NAA35: variants seen among roughly 807,000 people sequenced by gnomAD.
NAA35 encodes N-alpha-acetyltransferase 35, NatC auxiliary subunit.
Under a neutral mutation model 101.7 loss-of-function variants are expected in NAA35, and 18 were observed. The observed-to-expected ratio is 0.18, with a 90% CI of 0.12 to 0.26. The LOEUF (loss-of-function observed/expected upper bound fraction) is 0.26, where lower values mean the gene tolerates loss of function less well. Among genes scored for constraint, NAA35 ranks in the 10% least tolerant of loss-of-function variants. NAA35 has a pLI of 1.00. For synonymous variants in NAA35, 267 were observed against 273.1 expected, an observed-to-expected ratio of 0.98 and a Z score of 0.22; for missense variants, 601 against 886.8, an observed-to-expected ratio of 0.68 and a Z score of 4.09.
intron 11 of NAA35, chr9:85,987,146 A>G (rs982769192): frequency 7.9e-5 from 12 of 152,234 alleles, no homozygotes; most frequent in African/African-American, 2.9e-4. Context: ...GAAATGGAAG[A>G]GACTGCCTCT....
Position 85,972,509 on chromosome 9 carries a change from C to CAAAA in NAA35, c.517-2438_517-2435dup, listed in dbSNP as rs34535924. 9.8e-4 allele frequency among the ~76,000 whole-genome samples: 53 copies of CAAAA among 53,956 alleles called. No homozygotes were observed. The South Asian group carries it at 0.029, about 29-fold the overall frequency. The allele number at this position is 53,956 out of a possible 152,430, so 35.4% of individuals were successfully genotyped here. A position where few individuals can be genotyped will look rare whatever the true frequency, so the allele number is the denominator to read the frequency against. On this transcript the variant is annotated intron_variant, in intron 6 of 22. Transcript: ENST00000361671. ...CCTGGATGACAGTGAGACCCTGTCT[C>CAAAA]AAAAAAAAAAAAAAAAAAAAAAAGG... is the stretch of plus-strand genomic sequence containing the variant.
chr9:85,960,029 T>A (rs1829444211), intron 5 of NAA35, among the ~76,000 whole-genome samples, 162 bp downstream of exon 5: 1 of 152,238 alleles, frequency 6.6e-6, no homozygotes, highest in South Asian at 2.1e-4. Context: ...GCATTTCATC[T>A]TGTTATCTAC....
At position 86,021,948 on chromosome 9, in the gene NAA35, G is replaced by A. The variant is rs1297335196; in HGVS notation, c.2166G>A (p.Val722=). 3 of 1,613,468 alleles carry A rather than the reference G, an allele frequency of 1.9e-6. No individual in the cohort carries two copies. The East Asian group carries it at 6.7e-5, about 36-fold the overall frequency. ...CTGCTCATAAATATTTTCCTGTTGT[G>A]AAACTTGTTTGAGAGAGACTGGGGA... ...DFSAHKYFPV[V]KLV is the part of the protein sequence containing the mutation. The change falls in exon 23 of 23, where the codon GTG becomes GTA. Residue 722 remains valine, a synonymous_variant. Transcript: ENST00000361671.
intron 2 of NAA35, among the ~76,000 whole-genome samples, chr9:85,947,285 T>TA (rs375420248): frequency 5.9e-5 from 9 of 152,316 alleles, no homozygotes; most frequent in African/African-American, 1.9e-4. Flanking sequence ...TTTTAAAAAT[T>TA]ATGGAAAAAA....
At chr9:85,954,664 C>T (rs1829160153) in intron 2 of NAA35, among the ~76,000 whole-genome samples, 1 of 152,102 alleles carries the variant, frequency 6.6e-6, no homozygotes, top group African/African-American at 2.4e-5. Flanking sequence ...GTGAAGAGTA[C>T]ATGATTAGTT....
chr9:86,003,764 A>ATT, intron 13 of NAA35, 120 bp downstream of exon 13: 1 of 482,048 alleles, frequency 2.1e-6, no homozygotes, highest in Non-Finnish European at 3.5e-6. Context: ...AGTGTTGTGT[A>ATT]TTTTTTTTTT....
chr9:85,975,187 T>A (rs368152802), intron 8 of NAA35, 30 bp downstream of exon 8: 23 of 1,604,252 alleles, frequency 1.4e-5, no homozygotes, highest in Non-Finnish European at 1.9e-5. Context: ...GGTGTGGGGT[T>A]TTGGTACACT....
intron 13 of NAA35, among the ~76,000 whole-genome samples, chr9:86,005,715 CAAACT>C (rs11278499): frequency 0.044 from 6,750 of 151,982 alleles, 529 homozygotes; most frequent in East Asian, 0.36. Context: ...TTTTAAAAAC[CAAACT>C]ATTTACAATA....
chr9:86,003,677 A>AT (rs1314203605), intron 13 of NAA35, 33 bp downstream of exon 13: 15 of 1,308,350 alleles, frequency 1.1e-5, no homozygotes, highest in Admixed American at 1.8e-5. Context: ...ATACTTATTT[A>AT]AACATTATAT....
chr9:85,989,344 G>A (rs775683618), intron 11 of NAA35, among the ~76,000 whole-genome samples: 1 of 152,196 alleles, frequency 6.6e-6, no homozygotes, highest in Non-Finnish European at 1.5e-5. Flanking sequence ...GGTAGTGGGC[G>A]CCTGTAATCC....
At chr9:85,966,209 G>A (rs1423810596) in intron 6 of NAA35, among the ~76,000 whole-genome samples, 1 of 152,086 alleles carries the variant, frequency 6.6e-6, no homozygotes, top group Non-Finnish European at 1.5e-5. Flanking sequence ...CCAAAGTGCT[G>A]GAATTATAGC....
At position 86,024,667 on chromosome 9, in the gene NAA35, A is replaced by T. The variant is rs1022841709; in HGVS notation, c.*2707A>T. On this transcript the variant is annotated 3_prime_UTR_variant, in exon 23 of 23. Coordinates refer to ENST00000361671, the MANE Select transcript of NAA35 (RefSeq NM_024635.4). ...CAAAATCAAGGATGATTTTTCAGAAATTTTTTTGGCTTTGGCAACTAGACG... is the reference window on the plus strand; with the variant it reads ...CAAAATCAAGGATGATTTTTCAGAATTTTTTTTGGCTTTGGCAACTAGACG... Among the ~76,000 whole-genome samples, 2 of 152,146 alleles carry T rather than the reference A, an allele frequency of 1.3e-5. No individual in the cohort carries two copies. Among genetic ancestry groups the T allele is most frequent in the Non-Finnish European group, 2.9e-5 (2 of 68,020 alleles).
Position 85,962,179 on chromosome 9 carries a change from A to G in NAA35, c.515A>G (p.Glu172Gly), listed in dbSNP as rs1473714235. The change falls in exon 6 of 23, where the codon GAG becomes GGG. Residue 172 changes from glutamate to glycine, a missense_variant and splice_region_variant. By Grantham distance (98) the Glu-to-Gly change is moderately conservative (BLOSUM62 -2). Transcript: ENST00000361671. ...EKVNKAAVFE[E>G]EDFQSMTYGF... ...GTAAATAAAGCTGCTGTTTTTGAAG[A>G]GGTAAGATTTCGTAATGTAAGAAAT... The G allele has an allele frequency of 6.2e-7, 1 of 1,613,074 alleles. No individual in the cohort carries two copies. Among genetic ancestry groups the G allele is most frequent in the Admixed American group, 1.7e-5 (1 of 59,760 alleles).
At chr9:85,986,295 C>A (rs939486122) in intron 11 of NAA35, among the ~76,000 whole-genome samples, 3 of 152,180 alleles carry the variant, frequency 2.0e-5, no homozygotes, top group African/African-American at 7.2e-5. Context: ...GGTGCTAATG[C>A]TGACTTATTT....
intron 1 of NAA35, 106 bp from the exon 2 acceptor site, chr9:85,942,049 G>A: frequency 6.7e-7 from 1 of 1,482,818 alleles, no homozygotes; most frequent in East Asian, 2.3e-5. Flanking sequence ...CTGCTTTAAA[G>A]AGTTTAGTTA....
In NAA35 at chr9:86,023,020, C is replaced by G. The variant is rs1832634588; in HGVS notation, c.*1060C>G. The stretch of plus-strand genomic sequence containing the variant: ...TAAAAGGGTTCTCAGCTTCAAATAT[C>G]TTAACTCTGATTTGGTACCTTTCAT... On this transcript the variant is annotated 3_prime_UTR_variant, in exon 23 of 23. Coordinates refer to ENST00000361671, the MANE Select transcript of NAA35 (RefSeq NM_024635.4). Among the ~76,000 whole-genome samples the G allele has an allele frequency of 6.6e-6, 1 of 152,152 alleles. No homozygotes were observed. The highest frequency in any genetic ancestry group is 1.5e-5 in the Non-Finnish European group (1 of 68,026).
At chr9:85,985,635 G>A (rs1381264462) in intron 11 of NAA35, among the ~76,000 whole-genome samples, 1 of 152,130 alleles carries the variant, frequency 6.6e-6, no homozygotes, top group African/African-American at 2.4e-5. Flanking sequence ...GAGTTTCTTC[G>A]TGGGTGATGA....
intron 17 of NAA35, among the ~76,000 whole-genome samples, chr9:86,015,334 T>G (rs1176267910): frequency 6.6e-6 from 1 of 152,154 alleles, no homozygotes; most frequent in African/African-American, 2.4e-5. Context: ...TCATAATTGG[T>G]TTTGAACTGC....
At position 86,002,967 on chromosome 9, in the gene NAA35, G is replaced by A. The variant is rs529787486; in HGVS notation, c.1057-618G>A. ...CCTAGGTTCTTTCTCATCTCTGTGT[G>A]TGGATGTTCCTTTAACTGCAGTGTA... On this transcript the variant is annotated intron_variant, in intron 12 of 22. Transcript: ENST00000361671. 9.9e-5 allele frequency among the ~76,000 whole-genome samples: 15 copies of A among 152,272 alleles called. 1 individual carries two copies. The highest frequency in any genetic ancestry group is 3.4e-3 in the Middle Eastern group (1 of 294).
Sources: gnomAD v4.1 joint callset for allele counts (sites outside exome capture counted in the v4.1 genomes callset) on GRCh38, gnomAD v4.1.1 for gene constraint, MANE v1.5 for transcripts, NCBI Gene and HGNC (gene_info 2026-07-23, HGNC 2026-07-21) for gene names.